PXDNL: variants seen among roughly 807,000 people sequenced by gnomAD.
The protein encoded by PXDNL is peroxidasin like.
In PXDNL, 145 loss-of-function variants were observed where a neutral mutation model predicts 150.8. The observed-to-expected ratio is 0.96, with a 90% CI of 0.84 to 1.10. The LOEUF is 1.10. Ranked by LOEUF, PXDNL falls within the 50% of genes least tolerant of loss-of-function variation. The pLI is 0.00. For missense variants in PXDNL, 2,087 were observed against 1,873.9 expected (o/e 1.11, Z -2.10); for synonymous variants, 757 against 725.7 (o/e 1.04, Z -0.69).
At chr8:51,641,284 A>C (rs1392828068) in intron 2 of PXDNL, among the ~76,000 whole-genome samples, 3 of 151,412 alleles carry the variant, frequency 2.0e-5, no homozygotes, top group Admixed American at 6.6e-5. Flanking sequence ...CATTCAGGAC[A>C]CAGGCATGGG....
chr8:51,537,818 C>A (rs918363060), intron 4 of PXDNL, among the ~76,000 whole-genome samples: 5 of 152,032 alleles, frequency 3.3e-5, no homozygotes, highest in East Asian at 3.9e-4. Context: ...CTATTTTTTT[C>A]ATGCGGTGCC....
chr8:51,626,984 T>G (rs1814375255), intron 2 of PXDNL, among the ~76,000 whole-genome samples: 1 of 152,200 alleles, frequency 6.6e-6, no homozygotes. Flanking sequence ...TGAATCCATA[T>G]TTTCTCACAA....
chr8:51,437,975 T>A (rs983426468), intron 12 of PXDNL, among the ~76,000 whole-genome samples: 8 of 152,146 alleles, frequency 5.3e-5, no homozygotes, highest in Non-Finnish European at 1.0e-4. Flanking sequence ...GAATACAAAA[T>A]TAATGTACAC....
At chr8:51,777,015 A>G (rs948702778) in intron 1 of PXDNL, among the ~76,000 whole-genome samples, 3 of 152,348 alleles carry the variant, frequency 2.0e-5, no homozygotes, top group African/African-American at 4.8e-5. Context: ...GTCCAGATTC[A>G]AACTTCCAAT....
chr8:51,542,960 G>C (rs1266260597), intron 4 of PXDNL, among the ~76,000 whole-genome samples: 1 of 152,152 alleles, frequency 6.6e-6, no homozygotes, highest in Non-Finnish European at 1.5e-5. Flanking sequence ...AGTTAGCTCT[G>C]TCAGAAAGTA....
intron 1 of PXDNL, among the ~76,000 whole-genome samples, chr8:51,808,106 T>A (rs992595956): frequency 6.6e-6 from 1 of 152,240 alleles, no homozygotes; most frequent in South Asian, 2.1e-4. Flanking sequence ...AATTGGACTT[T>A]TTATTACCAA....
At position 51,668,176 on chromosome 8, in the gene PXDNL, C is replaced by CTTTTTTTTTTTTTTTTTTTTTTTTTTT. The variant is rs71550279; in HGVS notation, c.165-13417_165-13416insAAAAAAAAAAAAAAAAAAAAAAAAAAA. Among the ~76,000 whole-genome samples the CTTTTTTTTTTTTTTTTTTTTTTTTTTT allele has an allele frequency of 3.9e-5, 3 of 77,386 alleles. 1 individual carries two copies. The highest frequency in any genetic ancestry group is 6.6e-5 in the Non-Finnish European group (3 of 45,140). The allele number at this position is 77,386 out of a possible 152,430, so 50.8% of individuals were successfully genotyped here. On this transcript the variant is annotated intron_variant, in intron 1 of 22. Coordinates refer to ENST00000356297, the MANE Select transcript of PXDNL (RefSeq NM_144651.5). ...ATACAAGGCTTCCTTCTCGCTCTCT[C>CTTTTTTTTTTTTTTTTTTTTTTTTTTT]TTTTTTTTTTTTTTTTTGAGACAGA...
At chr8:51,592,750 A>G (rs1477203729) in intron 2 of PXDNL, 52 bp from the exon 3 acceptor site, 4 of 1,303,110 alleles carry the variant, frequency 3.1e-6, no homozygotes, top group Non-Finnish European at 4.3e-6. Context: ...CAGACTCTGC[A>G]AACATTAAAA....
intron 21 of PXDNL, among the ~76,000 whole-genome samples, chr8:51,335,813 C>T (rs1805818765): frequency 6.6e-6 from 1 of 151,830 alleles, no homozygotes; most frequent in African/African-American, 2.4e-5. Flanking sequence ...TAGTTATTCC[C>T]ACAATAATCA....
chr8:51,534,133 G>A (rs1811990052), intron 4 of PXDNL, among the ~76,000 whole-genome samples: 1 of 143,176 alleles, frequency 7.0e-6, no homozygotes, highest in African/African-American at 2.9e-5. Context: ...CCTCTGCCCC[G>A]CCGCCCTGTC....
At chr8:51,449,205 G>T in intron 10 of PXDNL, 87 bp from the exon 11 acceptor site, 1 of 706,808 alleles carries the variant, frequency 1.4e-6, no homozygotes, top group Non-Finnish European at 2.4e-6. Context: ...CTTCAAATAT[G>T]TCATGTGATC....
At chr8:51,503,203 G>A (rs1811223224) in intron 4 of PXDNL, among the ~76,000 whole-genome samples, 2 of 152,078 alleles carry the variant, frequency 1.3e-5, no homozygotes, top group Non-Finnish European at 2.9e-5. Flanking sequence ...TTTTCTGCTG[G>A]ACTTCAATCT....
intron 3 of PXDNL, among the ~76,000 whole-genome samples, chr8:51,574,505 T>A (rs1252401379): frequency 6.6e-6 from 1 of 151,904 alleles, no homozygotes; most frequent in East Asian, 1.9e-4. Flanking sequence ...CTAAAAAGTC[T>A]TTAAAGAAAC....
chr8:51,429,685 TTC>T (rs1809203900), intron 12 of PXDNL, among the ~76,000 whole-genome samples: 2 of 139,856 alleles, frequency 1.4e-5, no homozygotes, highest in African/African-American at 2.9e-5. Flanking sequence ...TTTTTTTCCT[TTC>T]TTTTTTTTTT....
chr8:51,682,672 T>C (rs1245915006), intron 1 of PXDNL, among the ~76,000 whole-genome samples: 6 of 152,176 alleles, frequency 3.9e-5, no homozygotes, highest in Non-Finnish European at 5.9e-5. Context: ...TAGAAATGTG[T>C]ATAATGTTGT....
chr8:51,775,277 G>C (rs901341915), intron 1 of PXDNL, among the ~76,000 whole-genome samples: 1 of 152,134 alleles, frequency 6.6e-6, no homozygotes, highest in Non-Finnish European at 1.5e-5. Flanking sequence ...AAGAGAAGAA[G>C]CTATGTAGAG....
chr8:51,704,397 T>C (rs1015775680), intron 1 of PXDNL, among the ~76,000 whole-genome samples: 12 of 152,350 alleles, frequency 7.9e-5, no homozygotes, highest in Admixed American at 2.0e-4. Context: ...TCGAAGATAT[T>C]TGGGTTGCTA....
intron 3 of PXDNL, among the ~76,000 whole-genome samples, chr8:51,586,197 C>T (rs1490897378): frequency 6.6e-6 from 1 of 152,194 alleles, no homozygotes; most frequent in East Asian, 1.9e-4. Context: ...GGAAAGCACT[C>T]ATCCCTGACT....
intron 1 of PXDNL, among the ~76,000 whole-genome samples, chr8:51,656,333 A>G (rs1815149251): frequency 6.6e-6 from 1 of 152,226 alleles, no homozygotes. Flanking sequence ...ATTATTAAAT[A>G]ACTCAGTGAC....
Sources: allele counts gnomAD v4.1 joint callset (sites outside exome capture counted in the v4.1 genomes callset), GRCh38; gene constraint gnomAD v4.1.1; transcripts MANE v1.5; gene names NCBI Gene and HGNC (gene_info 2026-07-23, HGNC 2026-07-21).